Variants in DGKH observed in about 807,000 individuals in gnomAD.
The protein encoded by DGKH is diacylglycerol kinase eta, also known as DAG kinase eta.
A neutral mutation model predicts 159.3 loss-of-function variants in DGKH; 90 were observed. That is an observed-to-expected ratio of 0.57 (90% CI 0.48 to 0.67). DGKH has a LOEUF of 0.67. Among genes scored for constraint, DGKH ranks in the 30% least tolerant of loss-of-function variants. The pLI, the probability that DGKH is intolerant of heterozygous loss-of-function variation, is 0.00. For synonymous variants in DGKH, 536 were observed against 553.8 expected (o/e 0.97, Z 0.45); for missense variants, 1,181 against 1,506.1 (o/e 0.78, Z 3.57).
At chr13:42,186,688 A>G (rs1037641015) in intron 13 of DGKH, among the ~76,000 whole-genome samples, 3 of 152,228 alleles carry the variant, frequency 2.0e-5, no homozygotes, top group Admixed American at 2.0e-4. Context: ...TTGTTCAGCA[A>G]TGTAATTTCT....
intron 29 of DGKH, among the ~76,000 whole-genome samples, chr13:42,222,986 C>T (rs441079): frequency 0.68 from 103,217 of 152,076 alleles, 35,241 homozygotes; most frequent in East Asian, 0.88. Flanking sequence ...TTTTGCTTTT[C>T]ATGGGACTTT....
intron 29 of DGKH, among the ~76,000 whole-genome samples, chr13:42,249,725 T>G (rs1424285769): frequency 6.6e-6 from 1 of 152,224 alleles, no homozygotes; most frequent in African/African-American, 2.4e-5. Context: ...GTATTAATTT[T>G]TAAAACCACA....
At chr13:42,187,740 A>G (rs1956967507) in intron 14 of DGKH, among the ~76,000 whole-genome samples, 1 of 152,202 alleles carries the variant, frequency 6.6e-6, no homozygotes, top group Non-Finnish European at 1.5e-5. Context: ...GCTGGGCTCC[A>G]GTGGAGAAAG....
chr13:42,151,808 C>T (rs1398432070), intron 3 of DGKH, among the ~76,000 whole-genome samples: 1 of 151,796 alleles, frequency 6.6e-6, no homozygotes, highest in Admixed American at 6.6e-5. Context: ...TAGGTAGATA[C>T]CCAGTGGTGA....
intron 26 of DGKH, among the ~76,000 whole-genome samples, chr13:42,218,911 A>G (rs1253681468): frequency 1.3e-5 from 2 of 152,228 alleles, no homozygotes; most frequent in Non-Finnish European, 2.9e-5. Context: ...ATGCTTGGAA[A>G]GCATGAAGGA....
At chr13:42,112,350 T>C (rs1954879763) in intron 1 of DGKH, among the ~76,000 whole-genome samples, 1 of 142,260 alleles carries the variant, frequency 7.0e-6, no homozygotes, top group African/African-American at 2.7e-5. Flanking sequence ...GGTGCAATCA[T>C]AGCTCACTGC....
At position 42,225,360 on chromosome 13, in the gene DGKH, AT is replaced by A. The variant is rs774990416; in HGVS notation, c.3574-3733del. The A allele has an allele frequency of 1.6e-5, 25 of 1,566,914 alleles. No individual in the cohort carries two copies. The African/African-American group carries it at 2.9e-4, about 18-fold the overall frequency. ...ATGGTGAGAGTTTTTTGTTTAGTTT[AT>A]TTTTTGTTTTTTCTATTTGGAAAGT... On this transcript the variant is annotated intron_variant, in intron 29 of 29. Coordinates refer to ENST00000337343, the MANE Select transcript of DGKH (RefSeq NM_178009.5).
chr13:42,049,519 C>A (rs1881106122), intron 1 of DGKH, among the ~76,000 whole-genome samples: 1 of 152,240 alleles, frequency 6.6e-6, no homozygotes, highest in African/African-American at 2.4e-5. Flanking sequence ...ACCGGTCAGC[C>A]TTTCCTGCCC....
At chr13:42,157,883 C>T (rs1252313971) in intron 5 of DGKH, among the ~76,000 whole-genome samples, 1 of 152,086 alleles carries the variant, frequency 6.6e-6, no homozygotes, top group African/African-American at 2.4e-5. Context: ...CATAAGAATC[C>T]CGAGTAGCTG....
intron 26 of DGKH, among the ~76,000 whole-genome samples, 159 bp from the exon 27 acceptor site, chr13:42,219,071 A>G (rs1049100388): frequency 6.6e-6 from 1 of 152,244 alleles, no homozygotes; most frequent in East Asian, 1.9e-4. Context: ...AATGAAATCA[A>G]TATAAAAGAA....
chr13:42,150,738 T>C (rs1955858807), intron 3 of DGKH, among the ~76,000 whole-genome samples: 2 of 152,194 alleles, frequency 1.3e-5, no homozygotes, highest in African/African-American at 4.8e-5. Flanking sequence ...TTTATTACAA[T>C]ATCAAAATTT....
chr13:42,144,917 A>T (rs1955683155), intron 3 of DGKH, among the ~76,000 whole-genome samples: 2 of 152,210 alleles, frequency 1.3e-5, no homozygotes, highest in South Asian at 4.1e-4. Context: ...GTGAATCCTT[A>T]TTACCTTCAA....
At position 42,059,262 on chromosome 13, in the gene DGKH, T is replaced by C. The variant is rs563934388; in HGVS notation, c.192+10297T>C. On this transcript the variant is annotated intron_variant, in intron 1 of 29. Coordinates refer to ENST00000337343, the MANE Select transcript of DGKH (RefSeq NM_178009.5). ...TTTTTCAAGTGTCTTTTTTCTTTTTTTTTTTAAGACGGAGTCTCGCTCTGT... is the reference window on the plus strand; with the variant it reads ...TTTTTCAAGTGTCTTTTTTCTTTTTCTTTTTAAGACGGAGTCTCGCTCTGT... Among the ~76,000 whole-genome samples, 4 of 152,226 alleles carry C rather than the reference T, an allele frequency of 2.6e-5. No homozygotes were observed. The South Asian group carries it at 8.3e-4, about 32-fold the overall frequency.
At chr13:42,246,633 C>G (rs1451646507), downstream of DGKH, among the ~76,000 whole-genome samples, 1 of 152,132 alleles carries the variant, frequency 6.6e-6, no homozygotes, top group African/African-American at 2.4e-5. Flanking sequence ...GAGCACTACC[C>G]TTTCTTAGAG....
chr13:42,097,256 C>T (rs577608583), intron 1 of DGKH, among the ~76,000 whole-genome samples: 15 of 152,232 alleles, frequency 9.9e-5, no homozygotes, highest in African/African-American at 2.9e-4. Flanking sequence ...TTTGGAATCA[C>T]TATTATTTAG....
At position 42,138,122 on chromosome 13, in the gene DGKH, C is replaced by T. The variant is rs1955442170; in HGVS notation, c.384+8490C>T. 7 of 985,340 alleles carry T rather than the reference C, an allele frequency of 7.1e-6. No homozygotes were observed. In the South Asian group the frequency reaches 2.8e-4, roughly 40 times the overall value. 61.0% of individuals were successfully genotyped at this position (985,340 alleles called of 1,614,324 possible). A position where few individuals can be genotyped will look rare whatever the true frequency, so the allele number is the denominator to read the frequency against. On this transcript the variant is annotated intron_variant, in intron 3 of 29. Coordinates refer to ENST00000337343, the MANE Select transcript of DGKH (RefSeq NM_178009.5). ...AAGAGAGTTCTCAGAGCAGACTCAG[C>T]TTTAGGTGCTGAAATGAATTTCTCA...
intron 9 of DGKH, among the ~76,000 whole-genome samples, 184 bp from the exon 10 acceptor site, chr13:42,168,256 T>A (rs998486044): frequency 6.6e-6 from 1 of 152,206 alleles, no homozygotes; most frequent in African/African-American, 2.4e-5. Context: ...TTCCCTTTCC[T>A]CCTTATGATT....
Position 42,079,866 on chromosome 13 carries a change from T to G in DGKH, c.192+30901T>G, listed in dbSNP as rs552862486. ...CTTGTATTTCATTGTTAAGTAGTAC[T>G]TCCAAGAATGGTGCATGGGTGTTTT... On this transcript the variant is annotated intron_variant, in intron 1 of 29. Transcript: ENST00000337343. Among the ~76,000 whole-genome samples the G allele has an allele frequency of 8.3e-4, 126 of 152,374 alleles. 1 individual carries two copies. The highest frequency in any genetic ancestry group is 3.0e-3 in the African/African-American group (123 of 41,604).
At chr13:42,228,629 A>G (rs1196397439) in intron 29 of DGKH, among the ~76,000 whole-genome samples, 2 of 149,564 alleles carry the variant, frequency 1.3e-5, no homozygotes, top group Non-Finnish European at 2.9e-5. Context: ...AGGGAGAGAG[A>G]GAAGAAAAAG....
Sources: allele counts gnomAD v4.1 joint callset (sites outside exome capture counted in the v4.1 genomes callset), GRCh38; gene constraint gnomAD v4.1.1; transcripts MANE v1.5; gene names NCBI Gene and HGNC (gene_info 2026-07-23, HGNC 2026-07-21).